MAGI2: variants seen among roughly 807,000 people sequenced by gnomAD.
MAGI2 encodes the protein membrane associated guanylate kinase, WW and PDZ domain containing 2.
MAGI2 carries 35 observed loss-of-function variants against 133.3 expected under a neutral mutation model. The ratio of observed to expected loss-of-function variants is 0.26; its 90% CI spans 0.20 to 0.35. The LOEUF (loss-of-function observed/expected upper bound fraction) is 0.35, where lower values mean the gene tolerates loss of function less well. Ranked by LOEUF, MAGI2 falls within the 10% of genes least tolerant of loss-of-function variation. The pLI, the probability that MAGI2 is intolerant of heterozygous loss-of-function variation, is 1.00. For synonymous variants in MAGI2, 729 were observed against 710.6 expected (o/e 1.03, Z -0.41); for missense variants, 1,636 against 1,863.4 (o/e 0.88, Z 2.25).
intron 2 of MAGI2, among the ~76,000 whole-genome samples, chr7:78,935,202 G>A (rs1160900893): frequency 6.6e-6 from 1 of 152,022 alleles, no homozygotes; most frequent in Admixed American, 6.6e-5. Flanking sequence ...ATTTTAACTT[G>A]TTTTCATCAT....
In MAGI2 at chr7:78,387,213, G is replaced by A. The variant is rs539481201; in HGVS notation, c.1046-18000C>T. On this transcript the variant is annotated intron_variant, in intron 6 of 21. Transcript: ENST00000354212. ...TGTAAAGACAGAGTCAGAAATCAAT[G>A]TGTGACATTCATGCACCTTGATTGG... is the stretch of plus-strand genomic sequence containing the variant. Among the ~76,000 whole-genome samples, 8 of 152,318 alleles carry A rather than the reference G, an allele frequency of 5.3e-5. 1 individual carries two copies. In the South Asian group the frequency reaches 1.2e-3, roughly 24 times the overall value.
At chr7:79,020,567 C>T (rs887521648) in intron 1 of MAGI2, among the ~76,000 whole-genome samples, 3 of 152,114 alleles carry the variant, frequency 2.0e-5, no homozygotes, top group Admixed American at 6.5e-5. Flanking sequence ...GAGATTGAGA[C>T]CATCCTGGCT....
intron 2 of MAGI2, among the ~76,000 whole-genome samples, chr7:78,698,133 C>T (rs1373342774): frequency 1.3e-5 from 2 of 152,146 alleles, no homozygotes; most frequent in Non-Finnish European, 2.9e-5. Flanking sequence ...CTTTCCACTA[C>T]AGTGAAGTTA....
chr7:78,045,956 T>C (rs888266407), intron 21 of MAGI2, among the ~76,000 whole-genome samples: 16 of 152,170 alleles, frequency 1.1e-4, no homozygotes, highest in Admixed American at 6.5e-5. Context: ...TTCCCGTCAA[T>C]GCCAAGCTTA....
At chr7:78,403,131 C>T (rs1403955438) in intron 6 of MAGI2, among the ~76,000 whole-genome samples, 2 of 152,158 alleles carry the variant, frequency 1.3e-5, no homozygotes, top group Non-Finnish European at 2.9e-5. Context: ...GGTATATCTC[C>T]TAATGCTGTC....
chr7:78,627,156 T>C lies in MAGI2; in HGVS notation c.502A>G (p.Lys168Glu). The change falls in exon 3 of 22, where the codon AAA becomes GAA. Residue 168 changes from lysine (K) to glutamate (E), a missense_variant. Lys to Glu is a moderately conservative substitution (Grantham distance 56). Coordinates refer to ENST00000354212, the MANE Select transcript of MAGI2 (RefSeq NM_012301.4). ...ITVEDFMELE[K>E]SGALLESGTY... is the part of the protein sequence containing the mutation. ...CCACTTTCTAGGAGAGCACCACTTT[T>C]CTCCAATTCCATAAAATCTTCAACA... is the stretch of plus-strand genomic sequence containing the variant. The C allele has an allele frequency of 6.3e-7, 1 of 1,597,792 alleles. No homozygotes were observed. Among genetic ancestry groups the C allele is most frequent in the Non-Finnish European group, 8.5e-7 (1 of 1,172,414 alleles).
At chr7:78,549,082 G>A (rs977972928) in intron 3 of MAGI2, among the ~76,000 whole-genome samples, 2 of 152,166 alleles carry the variant, frequency 1.3e-5, no homozygotes, top group African/African-American at 4.8e-5. Flanking sequence ...GCAGCATCAT[G>A]TCTTACAAAA....
At chr7:79,263,759 T>G (rs1246875360) in intron 1 of MAGI2, among the ~76,000 whole-genome samples, 1 of 152,138 alleles carries the variant, frequency 6.6e-6, no homozygotes, top group African/African-American at 2.4e-5. Flanking sequence ...ATTGACACCC[T>G]GAGGCTATAC....
intron 2 of MAGI2, among the ~76,000 whole-genome samples, chr7:78,906,312 C>T (rs1316595160): frequency 6.6e-6 from 1 of 152,184 alleles, no homozygotes; most frequent in African/African-American, 2.4e-5. Flanking sequence ...AATACTCCCT[C>T]TTCATTTTCT....
intron 1 of MAGI2, among the ~76,000 whole-genome samples, chr7:79,315,164 C>CTTTTT (rs33911640): frequency 2.1e-5 from 3 of 140,680 alleles, no homozygotes; most frequent in Admixed American, 1.4e-4. Flanking sequence ...AGATTTAACT[C>CTTTTT]TTTTTTTTTT....
In MAGI2 at chr7:78,061,161, C is replaced by CAA. The variant is rs58941684; in HGVS notation, c.3706+17784_3706+17785dup. Among the ~76,000 whole-genome samples, 303 of 97,630 alleles carry CAA rather than the reference C, an allele frequency of 3.1e-3. 1 individual carries two copies. The highest frequency in any genetic ancestry group is 8.9e-3 in the South Asian group (26 of 2,914). 64.0% of individuals were successfully genotyped at this position (97,630 alleles called of 152,430 possible). On this transcript the variant is annotated intron_variant, in intron 21 of 21. Transcript: ENST00000354212. ...CCTGGGTGAAAGAGCAAGACTGTCT[C>CAA]AAAAAAAAAAAAAAAGGTTTTCTTT... is the stretch of plus-strand genomic sequence containing the variant.
chr7:78,406,969 G>A (rs1797439505), intron 6 of MAGI2, among the ~76,000 whole-genome samples: 1 of 151,826 alleles, frequency 6.6e-6, no homozygotes, highest in Non-Finnish European at 1.5e-5. Flanking sequence ...TAAATTCATG[G>A]ACATGCAGCA....
At chr7:78,330,995 TAGAACACACACACACCAC>T (rs1222379976) in intron 9 of MAGI2, among the ~76,000 whole-genome samples, 2 of 152,028 alleles carry the variant, frequency 1.3e-5, no homozygotes, top group African/African-American at 4.8e-5. Flanking sequence ...ACACACACCA[TAGAACACACACACACCAC>T]AGAATACTAT....
chr7:78,493,810 T>C (rs1793840862), intron 5 of MAGI2, among the ~76,000 whole-genome samples: 1 of 151,446 alleles, frequency 6.6e-6, no homozygotes. Flanking sequence ...CTTAAATTCC[T>C]TTTTAAGTGT....
chr7:78,839,074 G>C (rs114069718), intron 2 of MAGI2, among the ~76,000 whole-genome samples: 1 of 151,940 alleles, frequency 6.6e-6, no homozygotes, highest in Non-Finnish European at 1.5e-5. Context: ...AAGAAGAAAG[G>C]GATTTAGTGA....
chr7:78,082,995 A>C (rs1037861249), intron 20 of MAGI2, among the ~76,000 whole-genome samples: 1 of 143,976 alleles, frequency 6.9e-6, no homozygotes, highest in Non-Finnish European at 1.5e-5. Context: ...ATATAAGAAG[A>C]TCGACTTATC....
chr7:79,283,556 A>G (rs1835796921), intron 1 of MAGI2, among the ~76,000 whole-genome samples: 2 of 152,112 alleles, frequency 1.3e-5, no homozygotes, highest in African/African-American at 2.4e-5. Flanking sequence ...AAATCCGATC[A>G]TGGTAGTCTA....
chr7:79,148,503 C>A (rs1300392305), intron 1 of MAGI2, among the ~76,000 whole-genome samples: 1 of 152,090 alleles, frequency 6.6e-6, no homozygotes, highest in Non-Finnish European at 1.5e-5. Context: ...TTACTATGTT[C>A]TCTATTGTAA....
At chr7:78,459,014 G>A (rs555023324) in intron 6 of MAGI2, among the ~76,000 whole-genome samples, 1 of 152,310 alleles carries the variant, frequency 6.6e-6, no homozygotes, top group African/African-American at 2.4e-5. Context: ...CTTTAACTTA[G>A]AAGCTGTTGA....
Sources: allele counts gnomAD v4.1 joint callset (sites outside exome capture counted in the v4.1 genomes callset), GRCh38; gene constraint gnomAD v4.1.1; transcripts MANE v1.5; gene names NCBI Gene and HGNC (gene_info 2026-07-23, HGNC 2026-07-21).